APAF1: variants seen among roughly 807,000 people sequenced by gnomAD.
APAF1 encodes apoptotic peptidase activating factor 1, also known as apoptotic protease-activating factor 1.
In APAF1, 91 loss-of-function variants were observed where a neutral mutation model predicts 152.4. The ratio of observed to expected loss-of-function variants is 0.60; its 90% confidence interval spans 0.50 to 0.71. The LOEUF (loss-of-function observed/expected upper bound fraction) is 0.71, where lower values mean the gene tolerates loss of function less well. Among genes scored for constraint, APAF1 ranks in the 30% least tolerant of loss-of-function variants. APAF1 has a pLI of 0.00. For synonymous variants in APAF1, 484 were observed against 494.1 expected (o/e 0.98, Z 0.27); for missense variants, 1,283 against 1,472.0 (o/e 0.87, Z 2.10).
intron 21 of APAF1, among the ~76,000 whole-genome samples, chr12:98,713,892 A>G (rs2097730935): frequency 6.6e-6 from 1 of 152,200 alleles, no homozygotes; most frequent in Non-Finnish European, 1.5e-5. Flanking sequence ...AGTGATCTCA[A>G]TACTCTTATA....
intron 4 of APAF1, among the ~76,000 whole-genome samples, chr12:98,654,457 A>G (rs1209492138): frequency 4.6e-5 from 7 of 152,088 alleles, no homozygotes; most frequent in African/African-American, 1.7e-4. Flanking sequence ...CCCCATTCTG[A>G]TGCCCAGGCT....
At chr12:98,658,620 G>A (rs1357815408) in intron 4 of APAF1, among the ~76,000 whole-genome samples, 1 of 152,128 alleles carries the variant, frequency 6.6e-6, no homozygotes, top group African/African-American at 2.4e-5. Flanking sequence ...AACCATAATG[G>A]GTGAGTTATA....
chr12:98,694,810 G>A (rs1252672316), intron 16 of APAF1, among the ~76,000 whole-genome samples: 1 of 151,268 alleles, frequency 6.6e-6, no homozygotes, highest in African/African-American at 2.4e-5. Context: ...TCACCAACAA[G>A]TTGAATGGGA....
At position 98,732,871 on chromosome 12, in the gene APAF1, T is replaced by C; in HGVS notation, c.*305T>C. ...CTTGATGCATTCAAAATGGTTGACA[T>C]AATTAATGAGAAGAATTTGGAAGAA... On this transcript the variant is annotated 3_prime_UTR_variant, in exon 27 of 27. Coordinates refer to ENST00000551964, the MANE Select transcript of APAF1 (RefSeq NM_181861.2). 1 of 327,876 alleles carries C rather than the reference T, an allele frequency of 3.0e-6. No individual in the cohort carries two copies. Among genetic ancestry groups the C allele is most frequent in the Non-Finnish European group, 5.7e-6 (1 of 176,038 alleles). The allele number at this position is 327,876 out of a possible 1,614,324, so 20.3% of individuals were successfully genotyped here. A position where few individuals can be genotyped will look rare whatever the true frequency, so the allele number is the denominator to read the frequency against.
intron 7 of APAF1, among the ~76,000 whole-genome samples, chr12:98,663,999 G>A (rs1457483260): frequency 6.7e-6 from 1 of 150,190 alleles, no homozygotes; most frequent in Non-Finnish European, 1.5e-5. Flanking sequence ...ACACAGTTTT[G>A]TTTGTTTATT....
intron 16 of APAF1, among the ~76,000 whole-genome samples, chr12:98,688,840 G>C (rs985474515): frequency 1.3e-5 from 2 of 148,924 alleles, no homozygotes; most frequent in African/African-American, 5.0e-5. Context: ...TTTGAAACAG[G>C]GTCTTATTCT....
At chr12:98,716,364 A>G (rs947316827) in intron 22 of APAF1, among the ~76,000 whole-genome samples, 2 of 152,192 alleles carry the variant, frequency 1.3e-5, no homozygotes, top group Admixed American at 6.6e-5. Flanking sequence ...TTATAACGAA[A>G]TTTTGTTTAG....
intron 15 of APAF1, among the ~76,000 whole-genome samples, chr12:98,685,901 T>C (rs1593066093): frequency 6.6e-6 from 1 of 152,324 alleles, no homozygotes; most frequent in East Asian, 1.9e-4. Flanking sequence ...CCTCCCAAAG[T>C]GCTGGGATTA....
Position 98,671,610 on chromosome 12 carries a change from A to G in APAF1, c.1684A>G (p.Asn562Asp), listed in dbSNP as rs762122714. Reference protein sequence around the residue: ...GHLLGRQPFPNIVQLGLCEPE... With the variant: ...GHLLGRQPFPDIVQLGLCEPE... The stretch of plus-strand genomic sequence containing the variant: ...CCTTCTTGGACGACAGCCATTTCCT[A>G]ATATTGTACAACTGGGTCTCTGTGA... Residue 562 changes from asparagine (N) to aspartate (D), a missense_variant, in exon 12 of 27, where the codon AAT (asparagine) becomes GAT (aspartate). Physicochemically the swap from Asn to Asp is conservative, Grantham distance 23 (BLOSUM62 1). Coordinates refer to ENST00000551964, the MANE Select transcript of APAF1 (RefSeq NM_181861.2). 2.2e-5 allele frequency: 36 copies of G among 1,613,854 alleles called. No individual in the cohort carries two copies. Among genetic ancestry groups the G allele is most frequent in the Non-Finnish European group, 3.1e-5 (36 of 1,180,000 alleles).
At chr12:98,681,483 T>C (rs761691120) in intron 14 of APAF1, among the ~76,000 whole-genome samples, 78 of 152,198 alleles carry the variant, frequency 5.1e-4, no homozygotes, top group Non-Finnish European at 4.0e-4. Context: ...ATCACTGATA[T>C]ATGGAAGACA....
chr12:98,723,238 C>G lies in APAF1; in HGVS notation c.3130C>G (p.Gln1044Glu). 6.2e-7 allele frequency: 1 copy of G among 1,613,380 alleles called. No homozygotes were observed. The highest frequency in any genetic ancestry group is 8.5e-7 in the Non-Finnish European group (1 of 1,179,426). ...CAAATGTATCTTTCTACGAGGCCATCAGGAAACAGTGAAAGACTTTAGACT... is the reference window on the plus strand; with the variant it reads ...CAAATGTATCTTTCTACGAGGCCATGAGGAAACAGTGAAAGACTTTAGACT... Reference protein sequence around the residue: ...LDKCIFLRGHQETVKDFRLLK... With the variant: ...LDKCIFLRGHEETVKDFRLLK... Residue 1044 changes from glutamine to glutamate, a missense_variant, in exon 23 of 27, where the codon CAG (glutamine) becomes GAG (glutamate). By Grantham distance (29) the Gln-to-Glu change is conservative. Transcript: ENST00000551964.
chr12:98,666,498 C>T, intron 9 of APAF1, 141 bp downstream of exon 9: 1 of 797,786 alleles, frequency 1.3e-6, no homozygotes. Context: ...TTTTATATAA[C>T]CATAGTACAG....
chr12:98,719,820 A>G (rs1007181503), intron 22 of APAF1, among the ~76,000 whole-genome samples: 2 of 152,094 alleles, frequency 1.3e-5, no homozygotes, highest in African/African-American at 4.8e-5. Context: ...TAGAATGCAT[A>G]TGTTCAGTGG....
rs763860807 is a variant in APAF1, at chr12:98,703,437, T to C, written c.2533T>C (p.Tyr845His). The part of the protein sequence containing the change: ...IHTGHHSTIQ[Y>H]CDFSPQNHLA... ...CACGGGCCATCACAGCACCATCCAG[T>C]ACTGTGACTTCTCCCCACAAAACCA... The change falls in exon 18 of 27, where the codon TAC becomes CAC. Residue 845 changes from tyrosine to histidine, a missense_variant. Transcript: ENST00000551964. 1 of 1,614,174 alleles carries C rather than the reference T, an allele frequency of 6.2e-7. No homozygotes were observed. Among genetic ancestry groups the C allele is most frequent in the South Asian group, 1.1e-5 (1 of 91,084 alleles).
At chr12:98,729,109 C>G (rs369972462) in intron 26 of APAF1, among the ~76,000 whole-genome samples, 2 of 152,152 alleles carry the variant, frequency 1.3e-5, no homozygotes, top group African/African-American at 4.8e-5. Flanking sequence ...GGTGGAAGCA[C>G]AAAGGAGAGG....
chr12:98,682,779 G>A lies in APAF1; in HGVS notation c.2047-364G>A, dbSNP rs1023450937. Among the ~76,000 whole-genome samples, 6 of 152,194 alleles carry A rather than the reference G, an allele frequency of 3.9e-5. No individual in the cohort carries two copies. The East Asian group carries it at 1.2e-3, about 29-fold the overall frequency. On this transcript the variant is annotated intron_variant, in intron 14 of 26. Transcript: ENST00000551964. ...ACACAAGTCATAAGTGGTAGAGCCAGCTCTTGGGCTCAACCCTTCTGACCA... is the reference window on the plus strand; with the variant it reads ...ACACAAGTCATAAGTGGTAGAGCCAACTCTTGGGCTCAACCCTTCTGACCA...
At chr12:98,659,019 TA>T in intron 4 of APAF1, 140 bp from the exon 5 acceptor site, 1 of 798,820 alleles carries the variant, frequency 1.3e-6, no homozygotes, top group Non-Finnish European at 2.1e-6. Context: ...ATCTTGCACG[TA>T]AAATTTCTAC....
chr12:98,653,232 T>C (rs1260300721), intron 4 of APAF1, among the ~76,000 whole-genome samples: 1 of 152,220 alleles, frequency 6.6e-6, no homozygotes, highest in Non-Finnish European at 1.5e-5. Flanking sequence ...ATTTTTGACA[T>C]TTAATTGTAT....
At chr12:98,682,572 A>C (rs1265485737) in intron 14 of APAF1, among the ~76,000 whole-genome samples, 2 of 152,088 alleles carry the variant, frequency 1.3e-5, no homozygotes, top group Admixed American at 6.5e-5. Context: ...TCAGACTATA[A>C]AACCTTTATT....
Sources: allele counts gnomAD v4.1 joint callset (sites outside exome capture counted in the v4.1 genomes callset), GRCh38; gene constraint gnomAD v4.1.1; transcripts MANE v1.5; gene names NCBI Gene and HGNC (gene_info 2026-07-23, HGNC 2026-07-21).